Variants in DENR observed in about 807,000 individuals in gnomAD.
The protein encoded by DENR is density-regulated protein.
Under a neutral mutation model 30.6 loss-of-function variants are expected in DENR, and 6 were observed. The observed-to-expected ratio is 0.20, with a 90% CI of 0.11 to 0.39. The LOEUF (loss-of-function observed/expected upper bound fraction) is 0.39, where lower values mean the gene tolerates loss of function less well. Among genes scored for constraint, DENR ranks in the 10% least tolerant of loss-of-function variants. The pLI, the probability that DENR is intolerant of heterozygous loss-of-function variation, is 1.00. For missense variants in DENR, 141 were observed against 230.9 expected, an observed-to-expected ratio of 0.61 and a Z score of 2.52; for synonymous variants, 78 against 72.1, an observed-to-expected ratio of 1.08 and a Z score of -0.41.
chr12:122,755,496 T>G (rs1476773729), intron 2 of DENR, among the ~76,000 whole-genome samples: 2 of 152,114 alleles, frequency 1.3e-5, no homozygotes, highest in African/African-American at 4.8e-5. Flanking sequence ...GGAGAATCAC[T>G]TGAACCCGGG....
chr12:122,756,178 GTGGC>G (rs1305794206), intron 2 of DENR, among the ~76,000 whole-genome samples: 49 of 152,338 alleles, frequency 3.2e-4, no homozygotes, highest in African/African-American at 1.1e-3. Flanking sequence ...GCCAGGCGCG[GTGGC>G]TCACACCTGT....
chr12:122,755,975 T>C (rs1259676079), intron 2 of DENR, among the ~76,000 whole-genome samples: 2 of 152,248 alleles, frequency 1.3e-5, no homozygotes, highest in African/African-American at 4.8e-5. Context: ...GAAGGTATGA[T>C]GACATTGTTA....
At chr12:122,753,267 G>C (rs1431157776) in intron 1 of DENR, among the ~76,000 whole-genome samples, 1 of 151,856 alleles carries the variant, frequency 6.6e-6, no homozygotes, top group Non-Finnish European at 1.5e-5. Flanking sequence ...TGCACCCCGG[G>C]CTTCTCCGAT....
At chr12:122,761,159 C>T (rs1182319741) in intron 2 of DENR, among the ~76,000 whole-genome samples, 2 of 152,126 alleles carry the variant, frequency 1.3e-5, no homozygotes, top group Non-Finnish European at 2.9e-5. Context: ...TGCCTGTAAT[C>T]CCAGCACTTT....
At chr12:122,757,544 T>A (rs7980906) in intron 2 of DENR, among the ~76,000 whole-genome samples, 9,603 of 152,268 alleles carry the variant, frequency 0.063, 1,048 homozygotes, top group African/African-American at 0.22. Flanking sequence ...TATTACAGTT[T>A]TATTGATGAT....
At chr12:122,758,210 T>G (rs964371533) in intron 2 of DENR, among the ~76,000 whole-genome samples, 1 of 152,124 alleles carries the variant, frequency 6.6e-6, no homozygotes, top group Non-Finnish European at 1.5e-5. Flanking sequence ...TAGCGGAGAT[T>G]ACAGGCGCCT....
intron 6 of DENR, among the ~76,000 whole-genome samples, chr12:122,768,360 C>T (rs1350617267): frequency 6.6e-6 from 1 of 152,036 alleles, no homozygotes; most frequent in Non-Finnish European, 1.5e-5. Context: ...GAGCCAGACA[C>T]GGTGGCACAT....
intron 5 of DENR, among the ~76,000 whole-genome samples, chr12:122,767,272 T>C (rs772649879): frequency 7.9e-5 from 12 of 152,254 alleles, no homozygotes; most frequent in Non-Finnish European, 1.5e-5. Flanking sequence ...GGGCAGGGGC[T>C]ATGTTCTGTT....
chr12:122,763,643 G>A (rs1878766276), intron 4 of DENR, among the ~76,000 whole-genome samples: 1 of 152,174 alleles, frequency 6.6e-6, no homozygotes, highest in Admixed American at 6.5e-5. Flanking sequence ...AGAGGTTGCA[G>A]TGAGCCGAGA....
chr12:122,759,619 G>A (rs1878641875), intron 2 of DENR, among the ~76,000 whole-genome samples: 1 of 152,220 alleles, frequency 6.6e-6, no homozygotes, highest in Non-Finnish European at 1.5e-5. Context: ...TACTCGGGAG[G>A]CTGAGCTACG....
chr12:122,765,417 A>G (rs531416662), intron 5 of DENR, 30 bp downstream of exon 5: 3 of 1,515,822 alleles, frequency 2.0e-6, no homozygotes, highest in Non-Finnish European at 1.8e-6. Flanking sequence ...CTTGATTTGT[A>G]CAGTCATACC....
intron 5 of DENR, 43 bp downstream of exon 5, chr12:122,765,430 C>T (rs962827904): frequency 2.0e-6 from 3 of 1,467,210 alleles, no homozygotes; most frequent in Admixed American, 2.1e-5. Flanking sequence ...GTCATACCGT[C>T]ACTGCGATAG....
At chr12:122,760,012 C>CTTTTA (rs1593760994) in intron 2 of DENR, among the ~76,000 whole-genome samples, 2 of 152,150 alleles carry the variant, frequency 1.3e-5, no homozygotes, top group East Asian at 3.9e-4. Context: ...CTGTTTAACT[C>CTTTTA]TTTTAGTGCC....
Position 122,762,206 on chromosome 12 carries a change from G to A in DENR, c.126G>A (p.Glu42=). ...LYCGVCSLPT[E]YCEYMPDVAK... is the part of the protein sequence containing the mutation. ...CCTCAGTCTGTTCATTACCAACAGAGGTAAGTTCTTTAATTTTTTTTTTTA... is the reference window on the plus strand; with the variant it reads ...CCTCAGTCTGTTCATTACCAACAGAAGTAAGTTCTTTAATTTTTTTTTTTA... Residue 42 remains glutamate (E), a splice_region_variant and synonymous_variant, in exon 3 of 8, where the codon GAG becomes GAA. Transcript: ENST00000280557. 2 of 1,428,472 alleles carry A rather than the reference G, an allele frequency of 1.4e-6. No homozygotes were observed. The highest frequency in any genetic ancestry group is 9.5e-7 in the Non-Finnish European group (1 of 1,052,828). 88.5% of individuals were successfully genotyped at this position (1,428,472 alleles called of 1,614,324 possible).
chr12:122,769,151 A>AAAAT lies in DENR; in HGVS notation c.*74_*75insAATA, dbSNP rs1555252615. ...GGCCAAAGGGAGAGAGGCCTTTTAA[A>AAAAT]ATATATATATATATACACATATATA... On this transcript the variant is annotated 3_prime_UTR_variant, in exon 8 of 8. Coordinates refer to ENST00000280557, the MANE Select transcript of DENR (RefSeq NM_003677.5). 112 of 1,375,046 alleles carry AAAAT rather than the reference A, an allele frequency of 8.1e-5. No homozygotes were observed. The highest frequency in any genetic ancestry group is 2.4e-4 in the East Asian group (9 of 36,774). The allele number at this position is 1,375,046 out of a possible 1,614,324, so 85.2% of individuals were successfully genotyped here. A position where few individuals can be genotyped will look rare whatever the true frequency, so the allele number is the denominator to read the frequency against.
chr12:122,765,163 T>G, intron 4 of DENR, 141 bp from the exon 5 acceptor site: 1 of 632,188 alleles, frequency 1.6e-6, no homozygotes, highest in South Asian at 2.0e-5. Flanking sequence ...AATCTAGCAG[T>G]GTAATCCATT....
chr12:122,753,488 G>A (rs919490545), intron 1 of DENR, among the ~76,000 whole-genome samples: 5 of 152,076 alleles, frequency 3.3e-5, no homozygotes, highest in African/African-American at 1.2e-4. Context: ...TCCATTTGCT[G>A]CTTGCTTCCC....
At chr12:122,753,922 C>G in intron 2 of DENR, 115 bp downstream of exon 2, 1 of 898,820 alleles carries the variant, frequency 1.1e-6, no homozygotes, top group Non-Finnish European at 1.8e-6. Flanking sequence ...TGAGTTTGTA[C>G]TGGGGGAGAG....
chr12:122,769,185 T>C lies in DENR; in HGVS notation c.*107T>C, dbSNP rs1202874191. 1.5e-5 allele frequency: 16 copies of C among 1,077,986 alleles called. No homozygotes were observed. Among genetic ancestry groups the C allele is most frequent in the Non-Finnish European group, 1.7e-5 (14 of 826,404 alleles). 66.8% of individuals were successfully genotyped at this position (1,077,986 alleles called of 1,614,324 possible). ...ATATATACACATATATATGTATATA[T>C]ACACATATATGTATGTATACACATA... On this transcript the variant is annotated 3_prime_UTR_variant, in exon 8 of 8. Coordinates refer to ENST00000280557, the MANE Select transcript of DENR (RefSeq NM_003677.5).
Sources: allele counts gnomAD v4.1 joint callset (sites outside exome capture counted in the v4.1 genomes callset), GRCh38; gene constraint gnomAD v4.1.1; transcripts MANE v1.5; gene names NCBI Gene and HGNC (gene_info 2026-07-23, HGNC 2026-07-21).